NFE2L1: variants seen among roughly 807,000 people sequenced by gnomAD.
The protein encoded by NFE2L1 is endoplasmic reticulum membrane sensor NFE2L1.
Under a neutral mutation model 61.6 loss-of-function variants are expected in NFE2L1, and 18 were observed. The ratio of observed to expected loss-of-function variants is 0.29; its 90% CI spans 0.20 to 0.43. The LOEUF (loss-of-function observed/expected upper bound fraction) is 0.43. Among genes scored for constraint, NFE2L1 ranks in the 20% least tolerant of loss-of-function variants. The pLI, the probability that NFE2L1 is intolerant of heterozygous loss-of-function variation, is 1.00. For synonymous variants in NFE2L1, 419 were observed against 402.7 expected (o/e 1.04, Z -0.48); for missense variants, 827 against 973.5 (o/e 0.85, Z 2.00).
rs927249839 is a variant in NFE2L1, at chr17:48,048,415, C to T, written c.-560C>T. ...CGGTGGCGGCGGCGAGGCCGGGACT[C>T]GGGCTTAGGGCCTGCTGTGGAGGCA... On this transcript the variant is annotated 5_prime_UTR_variant, in exon 1 of 6. Coordinates refer to ENST00000362042, the MANE Select transcript of NFE2L1 (RefSeq NM_003204.3). The T allele has an allele frequency of 1.3e-5, 2 of 152,490 alleles. No homozygotes were observed. Among genetic ancestry groups the T allele is most frequent in the Admixed American group, 1.3e-4 (2 of 15,278 alleles). 9.4% of individuals were successfully genotyped at this position (152,490 alleles called of 1,614,324 possible). A position where few individuals can be genotyped will look rare whatever the true frequency, so the allele number is the denominator to read the frequency against.
In NFE2L1 at chr17:48,050,999, G is replaced by T; in HGVS notation, c.-120G>T. 8.1e-7 allele frequency: 1 copy of T among 1,228,364 alleles called. No homozygotes were observed. The allele number at this position is 1,228,364 out of a possible 1,614,324, so 76.1% of individuals were successfully genotyped here. The stretch of plus-strand genomic sequence containing the variant: ...CATCCCTTGTGTTCTGCCAGGGTGG[G>T]GTACGGGGTTTGACACTGAGGAGGG... On this transcript the variant is annotated 5_prime_UTR_variant, in exon 2 of 6. Transcript: ENST00000362042.
At chr17:48,055,419 G>A (rs2037375376) in intron 2 of NFE2L1, among the ~76,000 whole-genome samples, 1 of 152,154 alleles carries the variant, frequency 6.6e-6, no homozygotes, top group South Asian at 2.1e-4. Flanking sequence ...TATGCTGTTA[G>A]TGGGGGTGGC....
In NFE2L1 at chr17:48,057,050, C is replaced by G; in HGVS notation, c.742C>G (p.Gln248Glu). 6.2e-7 allele frequency: 1 copy of G among 1,614,004 alleles called. No individual in the cohort carries two copies. Among genetic ancestry groups the G allele is most frequent in the Non-Finnish European group, 8.5e-7 (1 of 1,179,998 alleles). ...FPAQVPSGEDQTALSLEECLR... is the reference protein window; with the variant it reads ...FPAQVPSGEDETALSLEECLR... ...GCCACAGGTGCCTAGTGGGGAGGAC[C>G]AGACGGCCCTGTCCCTGGAAGAGTG... The change falls in exon 4 of 6, where the codon CAG becomes GAG. Residue 248 changes from glutamine to glutamate, a missense_variant. By Grantham distance (29) the Gln-to-Glu change is conservative. This residue lies in a region of NFE2L1 where 667 missense variants were observed against 748.4 expected (regional missense o/e 0.89). Coordinates refer to ENST00000362042, the MANE Select transcript of NFE2L1 (RefSeq NM_003204.3).
At chr17:48,051,672 GT>G (rs770995449) in intron 2 of NFE2L1, 44 bp downstream of exon 2, 2 of 1,567,542 alleles carry the variant, frequency 1.3e-6, no homozygotes, top group Non-Finnish European at 1.7e-6. Context: ...GGGCTTGGGG[GT>G]GGGCTGGTCC....
chr17:48,059,030 C>A lies in NFE2L1; in HGVS notation c.1708C>A (p.His570Asn). Reference protein sequence around the residue: ...AQLSCLPYLEHVGHNHTYNMA... With the variant: ...AQLSCLPYLENVGHNHTYNMA... The stretch of plus-strand genomic sequence containing the variant: ...GCTCTCATGCCTGCCCTACCTGGAG[C>A]ACGTGGGCCACAACCACACATACAA... Residue 570 changes from histidine (H) to asparagine (N), a missense_variant, in exon 6 of 6, where the codon CAC becomes AAC. His to Asn is a moderately conservative substitution (Grantham distance 68). Transcript: ENST00000362042. This position sits in a 1 kb window ranked among gnomAD's most constrained non-coding sequence, Gnocchi z 6.1. 1.2e-6 allele frequency: 2 copies of A among 1,614,076 alleles called. No homozygotes were observed. The highest frequency in any genetic ancestry group is 1.7e-6 in the Non-Finnish European group (2 of 1,180,046).
chr17:48,054,466 A>G, intron 2 of NFE2L1: 1 of 473,384 alleles, frequency 2.1e-6, no homozygotes, highest in East Asian at 5.2e-5. Flanking sequence ...TCTCCAGCGG[A>G]GACTTGGGGG....
Position 48,060,326 on chromosome 17 carries a change from A to G in NFE2L1, c.*685A>G, listed in dbSNP as rs1412536353. 1 of 152,678 alleles carries G rather than the reference A, an allele frequency of 6.5e-6. No homozygotes were observed. The highest frequency in any genetic ancestry group is 1.5e-5 in the Non-Finnish European group (1 of 68,056). 9.5% of individuals were successfully genotyped at this position (152,678 alleles called of 1,614,324 possible). ...TCGAATGGAGCCACTGGGCCCCAAC[A>G]CTGGCTTTGAGATTTAGAGTCAAAG... On this transcript the variant is annotated 3_prime_UTR_variant, in exon 6 of 6. Transcript: ENST00000362042.
At chr17:48,050,400 A>T (rs1598278366) in intron 1 of NFE2L1, among the ~76,000 whole-genome samples, 3 of 152,262 alleles carry the variant, frequency 2.0e-5, no homozygotes, top group African/African-American at 7.2e-5. Context: ...AATCGCTTGA[A>T]TGCAGAAGGT....
intron 2 of NFE2L1, chr17:48,054,761 G>A: frequency 7.7e-7 from 1 of 1,301,040 alleles, no homozygotes; most frequent in Admixed American, 3.9e-5. Context: ...CAGCCTCTGC[G>A]GTGAGCTCAG....
rs374053026 is a variant in NFE2L1, at chr17:48,058,395, A to G, written c.1073A>G (p.Asn358Ser). The G allele has an allele frequency of 5.6e-6, 9 of 1,614,138 alleles. No homozygotes were observed. The highest frequency in any genetic ancestry group is 7.6e-6 in the Non-Finnish European group (9 of 1,180,016). The change falls in exon 6 of 6, where the codon AAT (asparagine) becomes AGT (serine). Residue 358 changes from asparagine to serine, a missense_variant. Physicochemically the swap from Asn to Ser is conservative, Grantham distance 46. Around this residue, in one of 3 missense-constraint regions of NFE2L1, gnomAD observed 667 missense variants for 748.4 expected, o/e 0.89. Coordinates refer to ENST00000362042, the MANE Select transcript of NFE2L1 (RefSeq NM_003204.3). ...NYSLAPNTPI[N>S]QNVSLHQASL... ...AGCCTTGCCCCCAACACTCCCATCA[A>G]TCAGAATGTCAGCCTGCATCAGGCG...
rs202150333 is a variant in NFE2L1, at chr17:48,051,598, C to G, written c.480C>G (p.Ala160=). The change falls in exon 2 of 6, where the codon GCC becomes GCG. Residue 160 remains alanine (A), a synonymous_variant. Transcript: ENST00000362042. ...ATTTGGAGGATTTGGGGGCTGTAGC[C>G]CCCCCAGTCAGTGGAGACTTAACCA... ...GEDLEDLGAV[A]PPVSGDLTKE... is the part of the protein sequence containing the mutation. The G allele has an allele frequency of 9.8e-5, 158 of 1,613,888 alleles. 1 individual carries two copies. Among genetic ancestry groups the G allele is most frequent in the Middle Eastern group, 5.0e-4 (3 of 6,044 alleles).
intron 2 of NFE2L1, among the ~76,000 whole-genome samples, chr17:48,055,354 A>G (rs1391506269): frequency 6.6e-6 from 1 of 152,106 alleles, no homozygotes; most frequent in Non-Finnish European, 1.5e-5. Context: ...GGAGGGCTCG[A>G]CTACAGGGGG....
At chr17:48,054,752 A>C (rs746003423) in intron 2 of NFE2L1, 1 of 1,289,140 alleles carries the variant, frequency 7.8e-7, no homozygotes, top group African/African-American at 1.6e-5. Flanking sequence ...ATCTCACTGC[A>C]GCCTCTGCGG....
chr17:48,057,666 A>C (rs1051624789), intron 5 of NFE2L1, among the ~76,000 whole-genome samples, 164 bp downstream of exon 5: 1 of 152,166 alleles, frequency 6.6e-6, no homozygotes, highest in African/African-American at 2.4e-5. Context: ...CCTTGGGGCA[A>C]TGGGAGCTGG....
intron 2 of NFE2L1, among the ~76,000 whole-genome samples, chr17:48,051,910 C>T (rs1487673637): frequency 6.6e-6 from 1 of 151,970 alleles, no homozygotes; most frequent in Non-Finnish European, 1.5e-5. Flanking sequence ...TTCAGCGTGA[C>T]TGCTGGAGGC....
chr17:48,053,493 G>T (rs1478729951), intron 2 of NFE2L1, among the ~76,000 whole-genome samples: 5 of 152,194 alleles, frequency 3.3e-5, no homozygotes, highest in Admixed American at 2.6e-4. Context: ...CCCTGGGGTG[G>T]CAGTACTCCC....
At position 48,059,058 on chromosome 17, in the gene NFE2L1, T is replaced by C; in HGVS notation, c.1736T>C (p.Met579Thr). 6.2e-7 allele frequency: 1 copy of C among 1,614,016 alleles called. No individual in the cohort carries two copies. Among genetic ancestry groups the C allele is most frequent in the East Asian group, 2.2e-5 (1 of 44,880 alleles). The change falls in exon 6 of 6, where the codon ATG (methionine) becomes ACG (threonine). Residue 579 changes from methionine (M) to threonine (T), a missense_variant. Physicochemically the swap from Met to Thr is moderately conservative, Grantham distance 81. Coordinates refer to ENST00000362042, the MANE Select transcript of NFE2L1 (RefSeq NM_003204.3). This position sits in a 1 kb window ranked among gnomAD's most constrained non-coding sequence, Gnocchi z 6.1. ...GTGGGCCACAACCACACATACAACA[T>C]GGCACCCAGTGCCCTGGACTCAGCC... ...EHVGHNHTYN[M>T]APSALDSADL...
chr17:48,059,631 G>A lies in NFE2L1; in HGVS notation c.2309G>A (p.Arg770Gln), dbSNP rs537009080. ...ARRQERKPKD[R>Q]RK is the part of the protein sequence containing the mutation. ...CGGCAGGAGAGGAAGCCAAAGGACC[G>A]GAGAAAGTGAGCCTGGGGAAGAAGG... Residue 770 changes from arginine (R) to glutamine (Q), a missense_variant, in exon 6 of 6, where the codon CGG (arginine) becomes CAG (glutamine). Physicochemically the swap from Arg to Gln is conservative, Grantham distance 43. Coordinates refer to ENST00000362042, the MANE Select transcript of NFE2L1 (RefSeq NM_003204.3). This position sits in a 1 kb window ranked among gnomAD's most constrained non-coding sequence, Gnocchi z 6.1. 2 of 1,553,422 alleles carry A rather than the reference G, an allele frequency of 1.3e-6. No individual in the cohort carries two copies. Among genetic ancestry groups the A allele is most frequent in the Non-Finnish European group, 1.7e-6 (2 of 1,149,852 alleles).
chr17:48,055,791 CTGGGGAA>C (rs2037386144), intron 2 of NFE2L1, among the ~76,000 whole-genome samples: 1 of 152,032 alleles, frequency 6.6e-6, no homozygotes. Context: ...TTGCTGCCAG[CTGGGGAA>C]TGGGGAATGG....
Sources: allele counts gnomAD v4.1 joint callset (sites outside exome capture counted in the v4.1 genomes callset), GRCh38; gene constraint gnomAD v4.1.1; regional missense constraint gnomAD v4.1.1; non-coding constraint Gnocchi (gnomAD v3.1); transcripts MANE v1.5; gene names NCBI Gene and HGNC (gene_info 2026-07-23, HGNC 2026-07-21).